Variants in EMP2 observed in about 807,000 individuals in gnomAD.
EMP2 encodes the protein epithelial membrane protein 2.
Under a neutral mutation model 13.7 loss-of-function variants are expected in EMP2, and 19 were observed. That is an observed-to-expected ratio of 1.38 (90% CI 0.97 to 2.03). EMP2 has a LOEUF of 2.03. Among genes scored for constraint, EMP2 ranks in the 30% most tolerant of loss-of-function variants. The pLI, the probability that EMP2 is intolerant of heterozygous loss-of-function variation, is 0.00. For synonymous variants in EMP2, 97 were observed against 84.7 expected (o/e 1.15, Z -0.80); for missense variants, 253 against 220.7 (o/e 1.15, Z -0.93).
chr16:10,562,368 C>CTCTCTCTCTCTCTCTA (rs1567208419), intron 1 of EMP2, among the ~76,000 whole-genome samples: 4 of 146,074 alleles, frequency 2.7e-5, no homozygotes, highest in Non-Finnish European at 6.1e-5. Context: ...CTCTCTCTCT[C>CTCTCTCTCTCTCTCTA]TCTCTCTCTC....
At chr16:10,544,696 C>A (rs1250070655) in intron 2 of EMP2, 1 of 152,952 alleles carries the variant, frequency 6.5e-6, no homozygotes, top group Non-Finnish European at 1.5e-5. Context: ...GAGTTTGAGA[C>A]CAGCCGGGGC....
At chr16:10,570,722 G>A (rs868234626) in intron 1 of EMP2, among the ~76,000 whole-genome samples, 1 of 151,272 alleles carries the variant, frequency 6.6e-6, no homozygotes, top group Non-Finnish European at 1.5e-5. Context: ...TTATTTTTTT[G>A]TAGAGATGGG....
At chr16:10,579,653 T>C (rs2051009376) in intron 1 of EMP2, among the ~76,000 whole-genome samples, 2 of 151,820 alleles carry the variant, frequency 1.3e-5, no homozygotes, top group Non-Finnish European at 2.9e-5. Context: ...TGGAGGCTTC[T>C]TAAGTCCCTC....
intron 1 of EMP2, among the ~76,000 whole-genome samples, chr16:10,550,037 CA>C (rs1472932764): frequency 6.6e-6 from 1 of 151,814 alleles, no homozygotes; most frequent in Non-Finnish European, 1.5e-5. Context: ...AGGCACGTGT[CA>C]CCACGCCCAG....
intron 1 of EMP2, among the ~76,000 whole-genome samples, chr16:10,568,000 C>T (rs2050920402): frequency 6.6e-6 from 1 of 152,160 alleles, no homozygotes; most frequent in African/African-American, 2.4e-5. Flanking sequence ...ACACTCATAC[C>T]CTTCACCACC....
chr16:10,559,043 T>C (rs1288155056), intron 1 of EMP2: 1 of 152,282 alleles, frequency 6.6e-6, no homozygotes, highest in Admixed American at 6.5e-5. Flanking sequence ...AATTCAGAAG[T>C]GTTCCACCCA....
intron 1 of EMP2, chr16:10,578,097 A>T: frequency 6.6e-6 from 1 of 151,990 alleles, no homozygotes; most frequent in East Asian, 1.9e-4. Flanking sequence ...TTTCATCTCG[A>T]CAGACTTCCC....
At chr16:10,567,896 A>G (rs1428382319) in intron 1 of EMP2, among the ~76,000 whole-genome samples, 1 of 152,188 alleles carries the variant, frequency 6.6e-6, no homozygotes, top group Admixed American at 6.5e-5. Flanking sequence ...GTTCACTGCA[A>G]TCCCCATTTT....
At chr16:10,565,984 T>G (rs1341497538) in intron 1 of EMP2, among the ~76,000 whole-genome samples, 2 of 152,208 alleles carry the variant, frequency 1.3e-5, no homozygotes, top group Non-Finnish European at 2.9e-5. Flanking sequence ...CACGCACTCA[T>G]GCAGTCTCAG....
rs1445955294 is a variant in EMP2, at chr16:10,528,710, T to A, written c.*4195A>T. ...CACAAACCAAGATTCAAAATGAACC[T>A]CTAGGCCTTGCCCTAACATTTCCCC... is the stretch of plus-strand genomic sequence containing the variant. On this transcript the variant is annotated 3_prime_UTR_variant, in exon 5 of 5. Coordinates refer to ENST00000359543, the MANE Select transcript of EMP2 (RefSeq NM_001424.6). 1 of 152,220 alleles carries A rather than the reference T, an allele frequency of 6.6e-6. No individual in the cohort carries two copies. The highest frequency in any genetic ancestry group is 1.9e-4 in the East Asian group (1 of 5,204). 9.4% of individuals were successfully genotyped at this position (152,220 alleles called of 1,614,324 possible).
chr16:10,558,255 G>A lies in EMP2; in HGVS notation c.-60-10578C>T, dbSNP rs189855814. On this transcript the variant is annotated intron_variant, in intron 1 of 4. Transcript: ENST00000359543. ...TTGCCCAGGCTGGTCTCAAACTCCT[G>A]GCCTCAAGCCATCCTCCCACCTTGG... Among the ~76,000 whole-genome samples the A allele has an allele frequency of 2.6e-5, 4 of 152,102 alleles. No individual in the cohort carries two copies. In the East Asian group the frequency reaches 7.7e-4, roughly 29 times the overall value.
intron 1 of EMP2, among the ~76,000 whole-genome samples, chr16:10,569,777 A>G (rs1298071082): frequency 6.6e-6 from 1 of 152,192 alleles, no homozygotes; most frequent in Non-Finnish European, 1.5e-5. Flanking sequence ...GCGTGCATGC[A>G]GACCCCACTC....
intron 1 of EMP2, among the ~76,000 whole-genome samples, chr16:10,562,409 T>G (rs993797046): frequency 1.3e-5 from 2 of 151,340 alleles, no homozygotes; most frequent in African/African-American, 4.9e-5. Context: ...TATCTCTATC[T>G]CTCTGCCCAG....
chr16:10,558,655 G>T (rs2050850162), intron 1 of EMP2, among the ~76,000 whole-genome samples: 2 of 152,090 alleles, frequency 1.3e-5, no homozygotes. Context: ...TGTGGGATCT[G>T]CCCACGGACA....
At chr16:10,569,461 G>T (rs139883209) in intron 1 of EMP2, among the ~76,000 whole-genome samples, 2 of 152,122 alleles carry the variant, frequency 1.3e-5, no homozygotes, top group Admixed American at 1.3e-4. Flanking sequence ...GCCTCCTACA[G>T]GTGCATGCCA....
intron 3 of EMP2, among the ~76,000 whole-genome samples, chr16:10,539,500 G>A (rs1474279530): frequency 6.6e-6 from 1 of 152,160 alleles, no homozygotes; most frequent in African/African-American, 2.4e-5. Context: ...ACAGGTGGAA[G>A]TGAGTTATAG....
intron 1 of EMP2, among the ~76,000 whole-genome samples, chr16:10,563,894 G>C (rs573750262): frequency 2.0e-5 from 3 of 152,362 alleles, no homozygotes; most frequent in East Asian, 1.9e-4. Context: ...TACTGACACA[G>C]GGCAGGCGAG....
intron 1 of EMP2, among the ~76,000 whole-genome samples, chr16:10,552,111 T>C (rs2050792725): frequency 7.1e-6 from 1 of 141,064 alleles, no homozygotes; most frequent in South Asian, 2.1e-4. Flanking sequence ...TCCAAAATGA[T>C]GCATTCCCTT....
intron 4 of EMP2, among the ~76,000 whole-genome samples, chr16:10,536,857 G>A (rs2050650683): frequency 6.6e-6 from 1 of 152,174 alleles, no homozygotes. Context: ...CTGGGCTCAA[G>A]CAGTCCTCCT....
Sources: allele counts gnomAD v4.1 joint callset (sites outside exome capture counted in the v4.1 genomes callset), GRCh38; gene constraint gnomAD v4.1.1; transcripts MANE v1.5; gene names NCBI Gene and HGNC (gene_info 2026-07-23, HGNC 2026-07-21).